The following CREBBP variants were observed in gnomAD, a reference collection of about 807,000 sequenced individuals.
CREBBP encodes CREB-binding protein.
CREBBP carries 19 observed loss-of-function variants against 265.0 expected under a neutral mutation model. The ratio of observed to expected loss-of-function variants is 0.07; its 90% CI spans 0.05 to 0.11. The LOEUF (loss-of-function observed/expected upper bound fraction) is 0.11. Ranked by LOEUF, CREBBP falls within the 10% of genes least tolerant of loss-of-function variation. The pLI is 1.00. For synonymous variants in CREBBP, 1,457 were observed against 1,223.7 expected (o/e 1.19, Z -3.98); for missense variants, 2,525 against 3,219.0 (o/e 0.78, Z 5.22).
At chr16:3,770,451 C>A in intron 14 of CREBBP, 119 bp downstream of exon 14, 2 of 1,144,854 alleles carry the variant, frequency 1.7e-6, no homozygotes, top group Non-Finnish European at 2.6e-6. Context: ...CCACCTTGGC[C>A]TCCCAAGGTG....
chr16:3,832,554 T>TATA (rs1555493087), intron 2 of CREBBP, among the ~76,000 whole-genome samples: 2 of 152,206 alleles, frequency 1.3e-5, no homozygotes, highest in African/African-American at 2.4e-5. Context: ...GGCTGTATGG[T>TATA]ATAGCCCACT....
At chr16:3,834,565 G>A (rs1352798343) in intron 2 of CREBBP, among the ~76,000 whole-genome samples, 1 of 152,148 alleles carries the variant, frequency 6.6e-6, no homozygotes, top group Non-Finnish European at 1.5e-5. Context: ...ACGGCTTTTA[G>A]GGCAGTGAAA....
At chr16:3,803,348 T>C (rs1229024965) in intron 3 of CREBBP, among the ~76,000 whole-genome samples, 1 of 113,560 alleles carries the variant, frequency 8.8e-6, no homozygotes, top group South Asian at 3.0e-4. Context: ...CCACTAAAAA[T>C]ACAAAAATTA....
chr16:3,745,239 G>C, intron 22 of CREBBP, 38 bp downstream of exon 22: 2 of 1,587,004 alleles, frequency 1.3e-6, no homozygotes, highest in Non-Finnish European at 1.7e-6. Flanking sequence ...CACTGGCTCT[G>C]TGCAGAACTG....
At chr16:3,761,614 G>A (rs961055516) in intron 16 of CREBBP, 4 of 517,054 alleles carry the variant, frequency 7.7e-6, no homozygotes, top group South Asian at 2.8e-5. Context: ...TCCAGGGCAC[G>A]TGGCTGCTTC....
chr16:3,797,597 GTCTCTC>G (rs752609484), intron 3 of CREBBP, among the ~76,000 whole-genome samples: 1 of 149,692 alleles, frequency 6.7e-6, no homozygotes, highest in Admixed American at 6.7e-5. Context: ...CATGAATGTG[GTCTCTC>G]TCTCTCTCTC....
chr16:3,775,748 G>C (rs1229855066), intron 11 of CREBBP, among the ~76,000 whole-genome samples: 1 of 152,196 alleles, frequency 6.6e-6, no homozygotes, highest in Non-Finnish European at 1.5e-5. Context: ...TAGGGAGGTT[G>C]CTAAGTGCAT....
At chr16:3,765,796 C>A (rs1320550215) in intron 16 of CREBBP, among the ~76,000 whole-genome samples, 1 of 152,144 alleles carries the variant, frequency 6.6e-6, no homozygotes, top group East Asian at 1.9e-4. Flanking sequence ...TACAGGCATG[C>A]ACTACCATAC....
rs1567260832 is a variant in CREBBP, at chr16:3,728,450, C to T, written c.6597G>A (p.Gln2199=). ...GTTGCTGCTGCTGTTGCTGCTGCTG[C>T]TGCAGCAGCTGCCTCCGTAACATTT... is the stretch of plus-strand genomic sequence containing the variant. ...YREMLRRQLL[Q]QQQQQQQQQQ... The change falls in exon 31 of 31, where the codon CAG becomes CAA. Residue 2199 remains glutamine (Q), a synonymous_variant. Transcript: ENST00000262367. This position sits in a 1 kb window ranked among gnomAD's most constrained non-coding sequence, Gnocchi z 8.7. The T allele has an allele frequency of 6.2e-7, 1 of 1,613,328 alleles. No individual in the cohort carries two copies. The highest frequency in any genetic ancestry group is 8.5e-7 in the Non-Finnish European group (1 of 1,179,744).
At position 3,850,335 on chromosome 16, in the gene CREBBP, C is replaced by T. The variant is rs148781922; in HGVS notation, c.760G>A (p.Ala254Thr). Residue 254 changes from alanine to threonine, a missense_variant, in exon 2 of 31, where the codon GCG becomes ACG. This residue lies in a region of CREBBP where 356 missense variants were observed against 340.4 expected (regional missense o/e 1.05). Coordinates refer to ENST00000262367, the MANE Select transcript of CREBBP (RefSeq NM_004380.3). Reference sequence around the variant, plus strand: ...CCTGCCTGTGCGGTGTTCAGTCCCGCGTGACCAGTCATTTGCGGGGAAACC... The same window carrying T: ...CCTGCCTGTGCGGTGTTCAGTCCCGTGTGACCAGTCATTTGCGGGGAAACC... ...TQVSPQMTGHAGLNTAQAGGM... is the reference protein window; with the variant it reads ...TQVSPQMTGHTGLNTAQAGGM... The T allele has an allele frequency of 2.8e-4, 454 of 1,614,242 alleles. 2 individuals are homozygous for T. In the East Asian group the frequency reaches 5.3e-3, roughly 19 times the overall value.
chr16:3,850,586 T>A lies in CREBBP; in HGVS notation c.509A>T (p.Gln170Leu), dbSNP rs770893966. 6.2e-7 allele frequency: 1 copy of A among 1,614,150 alleles called. No individual in the cohort carries two copies. The highest frequency in any genetic ancestry group is 1.3e-5 in the African/African-American group (1 of 74,946). Residue 170 changes from glutamine to leucine, a missense_variant, in exon 2 of 31, where the codon CAG (glutamine) becomes CTG (leucine). Physicochemically the swap from Gln to Leu is moderately radical, Grantham distance 113 (BLOSUM62 -2). This residue lies in a region of CREBBP where 356 missense variants were observed against 340.4 expected (regional missense o/e 1.05). Transcript: ENST00000262367. The part of the protein sequence containing the change: ...GLATSSPATS[Q>L]TGPGICMNAN... ...ATTCATGCAGATACCAGGTCCAGTC[T>A]GTGACGTGGCAGGGCTGCTAGTCGC...
rs538443484 is a variant in CREBBP at position 3,756,127 on chromosome 16, A to ATAGG, written c.3698+1157_3698+1160dup. On this transcript the variant is annotated intron_variant, in intron 19 of 30. Coordinates refer to ENST00000262367, the MANE Select transcript of CREBBP (RefSeq NM_004380.3). The stretch of plus-strand genomic sequence containing the variant: ...AAAAGCCTTCTGTCTTCTTTGAAGT[A>ATAGG]TAGGACATAATTACTCTGACCAAAT... Among the ~76,000 whole-genome samples, 379 of 152,352 alleles carry ATAGG rather than the reference A, an allele frequency of 2.5e-3. 1 individual carries two copies. The highest frequency in any genetic ancestry group is 8.5e-3 in the African/African-American group (352 of 41,584).
chr16:3,834,010 A>C (rs2054393924), intron 2 of CREBBP, among the ~76,000 whole-genome samples: 1 of 152,230 alleles, frequency 6.6e-6, no homozygotes, highest in South Asian at 2.1e-4. Flanking sequence ...ATGGCAAATA[A>C]GCGTATGAAA....
intron 1 of CREBBP, among the ~76,000 whole-genome samples, chr16:3,874,643 A>G (rs1567381488): frequency 6.6e-6 from 1 of 152,210 alleles, no homozygotes; most frequent in African/African-American, 2.4e-5. Flanking sequence ...TAGGCTAAAA[A>G]GAGTTCTAGC....
intron 1 of CREBBP, among the ~76,000 whole-genome samples, chr16:3,874,719 G>A (rs1298526055): frequency 6.6e-6 from 1 of 152,170 alleles, no homozygotes; most frequent in Non-Finnish European, 1.5e-5. Context: ...AGGACACCAA[G>A]GCTCTGGGAA....
chr16:3,780,385 G>A (rs1260649379), intron 8 of CREBBP, among the ~76,000 whole-genome samples: 2 of 152,012 alleles, frequency 1.3e-5, no homozygotes, highest in East Asian at 3.9e-4. Context: ...TACAAAATAA[G>A]GTGAGGCTCT....
intron 2 of CREBBP, among the ~76,000 whole-genome samples, chr16:3,819,872 A>T (rs1204032289): frequency 1.3e-5 from 2 of 152,222 alleles, no homozygotes; most frequent in East Asian, 3.8e-4. Flanking sequence ...CCCACGAAAA[A>T]AGAAATGGAT....
At chr16:3,734,636 A>G (rs553140847) in intron 28 of CREBBP, among the ~76,000 whole-genome samples, 1 of 152,290 alleles carries the variant, frequency 6.6e-6, no homozygotes, top group African/African-American at 2.4e-5. Flanking sequence ...AAGTCCGAAG[A>G]CAACAGGCCA....
chr16:3,726,835 GTTTA>G lies in CREBBP; in HGVS notation c.*879_*882del, dbSNP rs759148645. On this transcript the variant is annotated 3_prime_UTR_variant, in exon 31 of 31. Transcript: ENST00000262367. Reference sequence around the variant, plus strand: ...CCACCCTTTTTGTCTGTTGCACACAGTTTATTTAACAATATGATATAAGAAATGA... The same window carrying G: ...CCACCCTTTTTGTCTGTTGCACACAGTTTAACAATATGATATAAGAAATGA... The G allele has an allele frequency of 3.0e-5, 7 of 233,426 alleles. No individual in the cohort carries two copies. The highest frequency in any genetic ancestry group is 6.6e-5 in the African/African-American group (3 of 45,330). The allele number at this position is 233,426 out of a possible 1,614,324, so 14.5% of individuals were successfully genotyped here.
Sources: gnomAD v4.1 joint callset for allele counts (sites outside exome capture counted in the v4.1 genomes callset) on GRCh38, gnomAD v4.1.1 for gene constraint, gnomAD v4.1.1 regional missense constraint, Gnocchi (gnomAD v3.1) non-coding constraint, MANE v1.5 for transcripts, NCBI Gene and HGNC (gene_info 2026-07-23, HGNC 2026-07-21) for gene names.